The following CRACD variants were observed in gnomAD, a reference collection of about 807,000 sequenced individuals.
The protein encoded by CRACD is capping protein inhibiting regulator of actin dynamics, also known as capping protein-inhibiting regulator of actin dynamics.
Under a neutral mutation model 106.8 loss-of-function variants are expected in CRACD, and 56 were observed. That is an observed-to-expected ratio of 0.52 (90% confidence interval 0.42 to 0.66). CRACD has a LOEUF of 0.66. Ranked by LOEUF, CRACD falls within the 30% of genes least tolerant of loss-of-function variation. The pLI, the probability that CRACD is intolerant of heterozygous loss-of-function variation, is 0.00. For missense variants in CRACD, 1,730 were observed against 1,623.2 expected, an observed-to-expected ratio of 1.07 and a Z score of -1.13; for synonymous variants, 754 against 670.8, an observed-to-expected ratio of 1.12 and a Z score of -1.92.
intron 1 of CRACD, among the ~76,000 whole-genome samples, chr4:56,131,303 T>A (rs1442568813): frequency 6.6e-6 from 1 of 152,050 alleles, no homozygotes; most frequent in Non-Finnish European, 1.5e-5. Flanking sequence ...AGTTGTAGAG[T>A]TTGAATGGGT....
At position 56,072,082 on chromosome 4, in the gene CRACD, C is replaced by G. The variant is rs1322694857; in HGVS notation, c.-336+22783C>G. Among the ~76,000 whole-genome samples the G allele has an allele frequency of 2.7e-5, 4 of 148,036 alleles. No homozygotes were observed. The East Asian group carries it at 6.0e-4, about 22-fold the overall frequency. ...GGCGGAGCTTGCAGTGAGCCGAGATCGCGCCACTGCACTCCAGCCTGGGCG... is the reference window on the plus strand; with the variant it reads ...GGCGGAGCTTGCAGTGAGCCGAGATGGCGCCACTGCACTCCAGCCTGGGCG... On this transcript the variant is annotated intron_variant, in intron 1 of 10. Coordinates refer to ENST00000682029, the MANE Select transcript of CRACD (RefSeq NM_001393381.1).
At chr4:56,253,547 T>C (rs1741168388) in intron 2 of CRACD, among the ~76,000 whole-genome samples, 1 of 152,158 alleles carries the variant, frequency 6.6e-6, no homozygotes, top group Non-Finnish European at 1.5e-5. Flanking sequence ...AAAGGATTTC[T>C]CCTCATTGCT....
chr4:56,171,230 G>C (rs763366093), intron 1 of CRACD, among the ~76,000 whole-genome samples: 1 of 151,504 alleles, frequency 6.6e-6, no homozygotes, highest in African/African-American at 2.4e-5. Flanking sequence ...AAACCTGCAC[G>C]TTGTGCACAT....
chr4:56,106,164 A>G (rs1733943968), intron 1 of CRACD, among the ~76,000 whole-genome samples: 1 of 152,026 alleles, frequency 6.6e-6, no homozygotes, highest in Non-Finnish European at 1.5e-5. Context: ...TGGATGAGGC[A>G]ACTGTACTTG....
intron 1 of CRACD, among the ~76,000 whole-genome samples, chr4:56,062,901 C>T (rs1732329012): frequency 6.6e-6 from 1 of 152,194 alleles, no homozygotes. Flanking sequence ...GTCTTTGGTT[C>T]AGCCTGCTGT....
chr4:56,201,183 G>A (rs1464261507), intron 2 of CRACD, among the ~76,000 whole-genome samples: 1 of 152,156 alleles, frequency 6.6e-6, no homozygotes, highest in Non-Finnish European at 1.5e-5. Context: ...GTGTGCTGAG[G>A]TGTGCTGTGA....
chr4:56,324,651 C>T (rs1351836028), intron 10 of CRACD, among the ~76,000 whole-genome samples: 1 of 152,222 alleles, frequency 6.6e-6, no homozygotes, highest in East Asian at 1.9e-4. Flanking sequence ...ATCTCCAGCA[C>T]CCTCTGCCTA....
At chr4:56,268,895 A>T (rs956811100) in intron 2 of CRACD, among the ~76,000 whole-genome samples, 8 of 152,242 alleles carry the variant, frequency 5.3e-5, no homozygotes, top group African/African-American at 1.9e-4. Flanking sequence ...ATAAGAACCT[A>T]AAGTAGGTGT....
At position 56,135,423 on chromosome 4, in the gene CRACD, G is replaced by A. The variant is rs144184417; in HGVS notation, c.-335-43861G>A. Among the ~76,000 whole-genome samples the A allele has an allele frequency of 3.5e-3, 538 of 152,336 alleles. 4 individuals carry two copies. The highest frequency in any genetic ancestry group is 6.2e-3 in the Non-Finnish European group (425 of 68,032). ...ATTTCCAAAGCAATTCCAGGTAAGG[G>A]ACTAGGCCAGGTGGCATGACAAAGA... On this transcript the variant is annotated intron_variant, in intron 1 of 10. Coordinates refer to ENST00000682029, the MANE Select transcript of CRACD (RefSeq NM_001393381.1).
chr4:56,307,095 G>A (rs1744774610), intron 4 of CRACD, among the ~76,000 whole-genome samples: 1 of 151,804 alleles, frequency 6.6e-6, no homozygotes, highest in Admixed American at 6.6e-5. Flanking sequence ...CAACCTTTAG[G>A]GTCTTGATTT....
intron 10 of CRACD, among the ~76,000 whole-genome samples, chr4:56,325,845 C>T (rs139308465): frequency 6.6e-6 from 1 of 152,144 alleles, no homozygotes; most frequent in Non-Finnish European, 1.5e-5. Context: ...ATTAAGAGGT[C>T]TTACTATTAA....
At chr4:56,076,680 T>C (rs993785360) in intron 1 of CRACD, among the ~76,000 whole-genome samples, 2 of 152,198 alleles carry the variant, frequency 1.3e-5, no homozygotes, top group African/African-American at 4.8e-5. Flanking sequence ...TGCTAAATTC[T>C]TTCAGGACTT....
chr4:56,285,230 C>T (rs1743270576), intron 3 of CRACD, among the ~76,000 whole-genome samples: 1 of 152,122 alleles, frequency 6.6e-6, no homozygotes, highest in South Asian at 2.1e-4. Context: ...CAATCACCTC[C>T]CACCAGGCCG....
At chr4:56,087,098 G>A (rs1369563978) in intron 1 of CRACD, among the ~76,000 whole-genome samples, 5 of 152,036 alleles carry the variant, frequency 3.3e-5, no homozygotes, top group East Asian at 1.9e-4. Flanking sequence ...TACAACCTCC[G>A]CCTCCCGGGT....
intron 1 of CRACD, among the ~76,000 whole-genome samples, chr4:56,114,574 C>T (rs1734219118): frequency 6.6e-6 from 1 of 151,964 alleles, no homozygotes; most frequent in African/African-American, 2.4e-5. Flanking sequence ...GAAAACAGAC[C>T]TTTTCTTAAT....
chr4:56,144,388 G>T (rs1248687881), intron 1 of CRACD, among the ~76,000 whole-genome samples: 1 of 152,182 alleles, frequency 6.6e-6, no homozygotes, highest in African/African-American at 2.4e-5. Context: ...GATAGGAAGA[G>T]AGGCAAGACT....
intron 1 of CRACD, among the ~76,000 whole-genome samples, chr4:56,138,114 G>C (rs1735067837): frequency 6.6e-6 from 1 of 151,578 alleles, no homozygotes; most frequent in South Asian, 2.1e-4. Context: ...CTCTGAGATT[G>C]TGATTCAGAG....
intron 2 of CRACD, among the ~76,000 whole-genome samples, chr4:56,218,465 GCCTTTCCTTCCCCTC>G (rs769476372): frequency 1.8e-3 from 117 of 65,810 alleles, no homozygotes; most frequent in Middle Eastern, 0.014. Context: ...TCCTTCCCCT[GCCTTTCCTTCCCCTC>G]CCTTTCCTTC....
intron 8 of CRACD, 151 bp downstream of exon 8, chr4:56,316,840 C>A: frequency 1.0e-6 from 1 of 965,606 alleles, no homozygotes; most frequent in Non-Finnish European, 1.5e-6. Flanking sequence ...AGAACAAAAC[C>A]GTGGGGCGCC....
Sources: allele counts gnomAD v4.1 joint callset (sites outside exome capture counted in the v4.1 genomes callset), GRCh38; gene constraint gnomAD v4.1.1; transcripts MANE v1.5; gene names NCBI Gene and HGNC (gene_info 2026-07-23, HGNC 2026-07-21).